RAB3C: variants seen among roughly 807,000 people sequenced by gnomAD.
RAB3C encodes ras-related protein Rab-3C.
RAB3C carries 17 observed loss-of-function variants against 26.4 expected under a neutral mutation model. The observed-to-expected ratio is 0.64, with a 90% confidence interval of 0.44 to 0.97. The LOEUF (loss-of-function observed/expected upper bound fraction) is 0.97. RAB3C is among the 50% of genes least tolerant of loss of function. RAB3C has a pLI of 0.00. For synonymous variants in RAB3C, 91 were observed against 95.9 expected, an observed-to-expected ratio of 0.95 and a Z score of 0.30; for missense variants, 242 against 281.9, an observed-to-expected ratio of 0.86 and a Z score of 1.01.
At chr5:58,821,471 T>A (rs184228172) in intron 3 of RAB3C, among the ~76,000 whole-genome samples, 39 of 152,336 alleles carry the variant, frequency 2.6e-4, no homozygotes, top group Admixed American at 1.4e-3. Flanking sequence ...GGAATTTATT[T>A]TACACCCTAA....
At chr5:58,701,648 G>A (rs1237530646) in intron 2 of RAB3C, among the ~76,000 whole-genome samples, 1 of 152,080 alleles carries the variant, frequency 6.6e-6, no homozygotes, top group Non-Finnish European at 1.5e-5. Flanking sequence ...GCAAACTGTA[G>A]GGGAGAATCC....
chr5:58,773,959 G>A (rs1203364728), intron 3 of RAB3C, among the ~76,000 whole-genome samples: 5 of 152,006 alleles, frequency 3.3e-5, no homozygotes, highest in South Asian at 2.1e-4. Context: ...GTCTTTTCAC[G>A]TGTCCTAACT....
intron 3 of RAB3C, among the ~76,000 whole-genome samples, chr5:58,737,428 T>A (rs1378757026): frequency 9.0e-6 from 1 of 110,670 alleles, no homozygotes; most frequent in Non-Finnish European, 1.8e-5. Context: ...TATATATATA[T>A]ATATATATAT....
chr5:58,626,977 C>T (rs2111739777), intron 2 of RAB3C, among the ~76,000 whole-genome samples: 1 of 152,252 alleles, frequency 6.6e-6, no homozygotes, highest in Admixed American at 6.5e-5. Flanking sequence ...CTCTCACCAA[C>T]CACTGGTAAA....
intron 1 of RAB3C, 117 bp downstream of exon 1, chr5:58,583,349 C>A (rs1745945945): frequency 2.6e-6 from 4 of 1,558,872 alleles, no homozygotes; most frequent in South Asian, 1.2e-5. Flanking sequence ...CGCGGAGATG[C>A]GGCTCTGTGA....
intron 3 of RAB3C, among the ~76,000 whole-genome samples, chr5:58,806,796 T>C (rs528541422): frequency 1.3e-5 from 2 of 152,220 alleles, no homozygotes; most frequent in Admixed American, 6.5e-5. Flanking sequence ...TGGAAACCCA[T>C]TGCTTGAGTT....
At chr5:58,677,652 G>A (rs544124201) in intron 2 of RAB3C, among the ~76,000 whole-genome samples, 1 of 152,260 alleles carries the variant, frequency 6.6e-6, no homozygotes, top group East Asian at 1.9e-4. Flanking sequence ...CTTTAAGATT[G>A]AATCACATCA....
chr5:58,812,732 G>A (rs1210091405), intron 3 of RAB3C, among the ~76,000 whole-genome samples: 1 of 152,166 alleles, frequency 6.6e-6, no homozygotes, highest in Non-Finnish European at 1.5e-5. Flanking sequence ...CACAGTGAGT[G>A]TTGTTTAGAG....
At chr5:58,837,609 A>T (rs1267080996) in intron 4 of RAB3C, among the ~76,000 whole-genome samples, 3 of 135,254 alleles carry the variant, frequency 2.2e-5, no homozygotes, top group African/African-American at 8.5e-5. Flanking sequence ...CCCAGGCTGG[A>T]GTGCAGTGGC....
chr5:58,838,649 A>T (rs1232085638), intron 4 of RAB3C, among the ~76,000 whole-genome samples: 1 of 35,788 alleles, frequency 2.8e-5, no homozygotes, highest in Non-Finnish European at 6.2e-5. Context: ...ATGCTGATGA[A>T]AAAAATATGT....
intron 2 of RAB3C, among the ~76,000 whole-genome samples, chr5:58,688,506 A>G (rs571248928): frequency 3.3e-5 from 5 of 152,210 alleles, no homozygotes; most frequent in South Asian, 4.1e-4. Flanking sequence ...TTGAAAGCCA[A>G]CTGTTTTATG....
intron 4 of RAB3C, among the ~76,000 whole-genome samples, chr5:58,835,181 A>G (rs1342317569): frequency 3.3e-5 from 5 of 151,746 alleles, no homozygotes; most frequent in African/African-American, 4.8e-5. Flanking sequence ...ACCTCTACTT[A>G]TTTTTTCTCA....
At chr5:58,615,272 A>C (rs1479606438) in intron 1 of RAB3C, among the ~76,000 whole-genome samples, 2 of 152,138 alleles carry the variant, frequency 1.3e-5, no homozygotes, top group Non-Finnish European at 2.9e-5. Flanking sequence ...CAAGTAAGTG[A>C]GCAGCTCTAG....
intron 2 of RAB3C, among the ~76,000 whole-genome samples, chr5:58,696,332 T>G (rs184158437): frequency 3.3e-3 from 502 of 152,342 alleles, no homozygotes; most frequent in African/African-American, 0.011. Flanking sequence ...TGCCAGTATT[T>G]TATTGAGGAT....
intron 3 of RAB3C, among the ~76,000 whole-genome samples, chr5:58,752,818 T>C (rs1472449077): frequency 6.6e-6 from 1 of 152,152 alleles, no homozygotes; most frequent in Non-Finnish European, 1.5e-5. Context: ...ATTTGAATAA[T>C]GTAATCATAT....
At chr5:58,624,419 GT>G (rs781341979) in intron 2 of RAB3C, among the ~76,000 whole-genome samples, 1 of 152,188 alleles carries the variant, frequency 6.6e-6, no homozygotes, top group Non-Finnish European at 1.5e-5. Flanking sequence ...TTTTGCCCCT[GT>G]TTGAGCAGAG....
At chr5:58,836,557 T>C (rs991198719) in intron 4 of RAB3C, among the ~76,000 whole-genome samples, 2 of 152,210 alleles carry the variant, frequency 1.3e-5, no homozygotes, top group African/African-American at 4.8e-5. Context: ...CTTCTCAATG[T>C]CTAGTATCTT....
At chr5:58,609,818 G>A (rs115039778) in intron 1 of RAB3C, among the ~76,000 whole-genome samples, 3 of 151,948 alleles carry the variant, frequency 2.0e-5, no homozygotes, top group Non-Finnish European at 2.9e-5. Flanking sequence ...GACCTTTTCC[G>A]GGCCCCTTTA....
chr5:58,739,370 T>C (rs950564773), intron 3 of RAB3C, among the ~76,000 whole-genome samples: 18 of 152,202 alleles, frequency 1.2e-4, no homozygotes, highest in Admixed American at 7.2e-4. Context: ...GTCTTTGATA[T>C]TGTTTGCTAA....
Sources: gnomAD v4.1 joint callset for allele counts (sites outside exome capture counted in the v4.1 genomes callset) on GRCh38, gnomAD v4.1.1 for gene constraint, MANE v1.5 for transcripts, NCBI Gene and HGNC (gene_info 2026-07-23, HGNC 2026-07-21) for gene names.